Variants in CNTNAP3 observed in about 807,000 individuals in gnomAD.
CNTNAP3 encodes the protein contactin-associated protein-like 3.
In CNTNAP3, 36 loss-of-function variants were observed where a neutral mutation model predicts 92.1. The observed-to-expected ratio is 0.39, with a 90% CI of 0.30 to 0.52. The LOEUF (loss-of-function observed/expected upper bound fraction) is 0.52, where lower values mean the gene tolerates loss of function less well. CNTNAP3 is among the 20% of genes least tolerant of loss of function. The pLI is 0.76. For missense variants in CNTNAP3, 534 were observed against 1,069.6 expected (o/e 0.50, Z 6.98); for synonymous variants, 232 against 422.3 (o/e 0.55, Z 5.53).
At chr9:39,084,275 C>G (rs1314963370) in intron 21 of CNTNAP3, among the ~76,000 whole-genome samples, 1 of 149,972 alleles carries the variant, frequency 6.7e-6, no homozygotes, top group Non-Finnish European at 1.5e-5. Context: ...TCACTGCAAG[C>G]TCCGCCTCCT....
At position 39,150,261 on chromosome 9, in the gene CNTNAP3, G is replaced by C. The variant is rs563963707; in HGVS notation, c.1478-284C>G. Among the ~76,000 whole-genome samples the C allele has an allele frequency of 1.9e-3, 281 of 149,404 alleles. No homozygotes were observed. The highest frequency in any genetic ancestry group is 6.6e-3 in the African/African-American group (266 of 40,450). ...AGTGAAAAGAGGTTTGGCTTCTTTT[G>C]TGAAATCTCATCTAAGAAATAATCA... On this transcript the variant is annotated intron_variant, in intron 9 of 23. Coordinates refer to ENST00000297668, the MANE Select transcript of CNTNAP3 (RefSeq NM_033655.5).
chr9:39,101,124 C>T (rs1490581426), intron 17 of CNTNAP3, among the ~76,000 whole-genome samples: 1 of 148,480 alleles, frequency 6.7e-6, no homozygotes, highest in Admixed American at 6.7e-5. Flanking sequence ...TTGACCCCTC[C>T]GTGTAGTCCT....
At chr9:39,114,746 C>CT (rs950222234) in intron 14 of CNTNAP3, among the ~76,000 whole-genome samples, 16 of 151,644 alleles carry the variant, frequency 1.1e-4, no homozygotes, top group Admixed American at 3.3e-4. Flanking sequence ...TTATTTTATG[C>CT]TTTTTTTTGT....
chr9:39,146,439 C>A (rs1427250116), intron 10 of CNTNAP3, among the ~76,000 whole-genome samples: 1 of 152,180 alleles, frequency 6.6e-6, no homozygotes, highest in Admixed American at 6.5e-5. Context: ...CCTGTAATCC[C>A]AGCACTTTGG....
chr9:39,122,705 T>G (rs1309282921), intron 13 of CNTNAP3, among the ~76,000 whole-genome samples: 1 of 152,070 alleles, frequency 6.6e-6, no homozygotes, highest in Non-Finnish European at 1.5e-5. Context: ...CAACAGAAAA[T>G]TGCAAGGTAT....
intron 14 of CNTNAP3, among the ~76,000 whole-genome samples, chr9:39,113,086 T>C (rs960656955): frequency 5.3e-5 from 8 of 152,270 alleles, no homozygotes; most frequent in Middle Eastern, 3.4e-3. Flanking sequence ...GGGGCTGTCC[T>C]GTGCACTGTA....
intron 17 of CNTNAP3, among the ~76,000 whole-genome samples, chr9:39,101,904 T>C (rs1826465449): frequency 6.6e-6 from 1 of 152,306 alleles, no homozygotes; most frequent in Non-Finnish European, 1.5e-5. Flanking sequence ...GGGATCCCTC[T>C]CATTAGCTGG....
chr9:39,231,954 G>GTATATATA (rs1281312490), intron 3 of CNTNAP3, among the ~76,000 whole-genome samples: 1,325 of 5,962 alleles, frequency 0.22, 605 homozygotes, highest in Admixed American at 0.25. Context: ...GTGTATGTGT[G>GTATATATA]TATATATATA....
intron 14 of CNTNAP3, among the ~76,000 whole-genome samples, chr9:39,115,211 G>A (rs995865699): frequency 2.0e-5 from 3 of 150,652 alleles, no homozygotes; most frequent in Non-Finnish European, 4.4e-5. Flanking sequence ...ACGGACATAT[G>A]CCTGAAGAGA....
intron 15 of CNTNAP3, among the ~76,000 whole-genome samples, chr9:39,105,895 T>A (rs1267229773): frequency 7.4e-6 from 1 of 135,164 alleles, no homozygotes; most frequent in Non-Finnish European, 1.7e-5. Flanking sequence ...CTCTTCTATG[T>A]GTATTCTACA....
rs1466180132 is a variant in CNTNAP3 at position 39,067,397 on chromosome 9, T to C, written c.*6493A>G. On this transcript the variant is annotated 3_prime_UTR_variant, in exon 24 of 24. Transcript: ENST00000297668. ...TACCAGACATTGTGATTTTACCTCG[T>C]TGGGTGTTGGATTTTTTTTTGATGG... Among the ~76,000 whole-genome samples, 1 of 152,312 alleles carries C rather than the reference T, an allele frequency of 6.6e-6. No homozygotes were observed. The highest frequency in any genetic ancestry group is 1.5e-5 in the Non-Finnish European group (1 of 68,058).
chr9:39,139,380 T>C (rs959396806), intron 12 of CNTNAP3, among the ~76,000 whole-genome samples: 5 of 152,238 alleles, frequency 3.3e-5, no homozygotes, highest in African/African-American at 1.2e-4. Context: ...TGGTATCTTA[T>C]GGCAGAACGC....
intron 13 of CNTNAP3, among the ~76,000 whole-genome samples, chr9:39,127,019 A>T (rs1166218095): frequency 2.0e-5 from 3 of 152,098 alleles, no homozygotes; most frequent in Admixed American, 2.0e-4. Flanking sequence ...AGCCAAACAA[A>T]CCTCAACATA....
chr9:39,065,500 G>T lies in CNTNAP3; in HGVS notation c.*8390C>A, dbSNP rs150543402. On this transcript the variant is annotated 3_prime_UTR_variant, in exon 24 of 24. Coordinates refer to ENST00000297668, the MANE Select transcript of CNTNAP3 (RefSeq NM_033655.5). ...TTCTTTTCAATCTAGGATTGGAATT[G>T]TTGGGTCATAGGTTTCATGTATGCT... is the stretch of plus-strand genomic sequence containing the variant. Among the ~76,000 whole-genome samples the T allele has an allele frequency of 0.028, 4,193 of 147,798 alleles. 132 individuals carry two copies. The highest frequency in any genetic ancestry group is 0.1 in the African/African-American group (3,938 of 38,234).
chr9:39,148,434 A>G (rs946908935), intron 10 of CNTNAP3, among the ~76,000 whole-genome samples: 29 of 152,240 alleles, frequency 1.9e-4, no homozygotes, highest in South Asian at 1.0e-3. Context: ...AGAGAGGATA[A>G]TTTTACAGTT....
chr9:39,154,985 G>A (rs1821923982), intron 9 of CNTNAP3: 1 of 108,820 alleles, frequency 9.2e-6, no homozygotes, highest in Non-Finnish European at 1.9e-5. Flanking sequence ...TCCTACTAAG[G>A]TGGTCCTACT....
chr9:39,168,023 T>G (rs543218878), intron 8 of CNTNAP3, among the ~76,000 whole-genome samples: 1 of 134,170 alleles, frequency 7.5e-6, no homozygotes, highest in South Asian at 2.2e-4. Context: ...TTTGTTTTTG[T>G]TTTTTTTTTT....
chr9:39,133,438 G>A (rs1257048751), intron 12 of CNTNAP3, among the ~76,000 whole-genome samples: 1 of 151,658 alleles, frequency 6.6e-6, no homozygotes, highest in East Asian at 1.9e-4. Flanking sequence ...CAAGCATGGG[G>A]CCAAACTGTT....
chr9:39,136,147 AT>A (rs1807806339), intron 12 of CNTNAP3, among the ~76,000 whole-genome samples: 2 of 148,658 alleles, frequency 1.3e-5, no homozygotes. Flanking sequence ...AATAATAATA[AT>A]AATAATAATA....
Sources: allele counts gnomAD v4.1 joint callset (sites outside exome capture counted in the v4.1 genomes callset), GRCh38; gene constraint gnomAD v4.1.1; transcripts MANE v1.5; gene names NCBI Gene and HGNC (gene_info 2026-07-23, HGNC 2026-07-21).